ADAMTSL1: variants seen among roughly 807,000 people sequenced by gnomAD.
ADAMTSL1 encodes the protein ADAMTS like 1.
ADAMTSL1 carries 126 observed loss-of-function variants against 201.8 expected under a neutral mutation model. The ratio of observed to expected loss-of-function variants is 0.62; its 90% CI spans 0.54 to 0.72. The LOEUF (loss-of-function observed/expected upper bound fraction) is 0.72. ADAMTSL1 is among the 30% of genes least tolerant of loss of function. The probability of loss-of-function intolerance (pLI) is 0.00; values close to 1 mark genes in which losing one functional copy is unlikely to be tolerated. For missense variants in ADAMTSL1, 2,679 were observed against 2,277.8 expected, an observed-to-expected ratio of 1.18 and a Z score of -3.59; for synonymous variants, 1,121 against 903.4, an observed-to-expected ratio of 1.24 and a Z score of -4.32.
rs555303867 is a variant in ADAMTSL1 at position 18,681,489 on chromosome 9, C to G, written c.1342-323C>G. The G allele has an allele frequency of 1.9e-4, 32 of 168,530 alleles. 1 individual carries two copies. Among genetic ancestry groups the G allele is most frequent in the African/African-American group, 7.4e-4 (31 of 42,168 alleles). The allele number at this position is 168,530 out of a possible 1,614,324, so 10.4% of individuals were successfully genotyped here. ...GTGCTGGTAGTCAAAATTAAGCACA[C>G]TCTACAGTCTCTTTTCTCCTTTCTT... On this transcript the variant is annotated intron_variant, in intron 11 of 28. Coordinates refer to ENST00000380548, the MANE Select transcript of ADAMTSL1 (RefSeq NM_001040272.6).
rs963114758 is a variant in ADAMTSL1, at chr9:18,516,121, C to A, written c.191+11165C>A. On this transcript the variant is annotated intron_variant, in intron 2 of 28. Coordinates refer to ENST00000380548, the MANE Select transcript of ADAMTSL1 (RefSeq NM_001040272.6). Reference sequence around the variant, plus strand: ...AAAAAAGAAAGAAAAAGAAAGATTTCCTAATGCTACTTGCATAATTTATTG... The same window carrying A: ...AAAAAAGAAAGAAAAAGAAAGATTTACTAATGCTACTTGCATAATTTATTG... 1.1e-4 allele frequency among the ~76,000 whole-genome samples: 17 copies of A among 148,406 alleles called. No individual in the cohort carries two copies. In the South Asian group the frequency reaches 1.5e-3, roughly 13 times the overall value.
In ADAMTSL1 at chr9:18,553,360, C is replaced by A. The variant is rs376249289; in HGVS notation, c.237+20068C>A. ...ATTTATCCCCACCTATCAAATAATT[C>A]ATGTCTCTTCAAACACTTTAGCTCT... On this transcript the variant is annotated intron_variant, in intron 3 of 28. Transcript: ENST00000380548. Among the ~76,000 whole-genome samples, 5 of 151,596 alleles carry A rather than the reference C, an allele frequency of 3.3e-5. No homozygotes were observed. The South Asian group carries it at 1.0e-3, about 31-fold the overall frequency.
chr9:18,646,332 C>T (rs1827810882), intron 7 of ADAMTSL1, among the ~76,000 whole-genome samples: 1 of 152,186 alleles, frequency 6.6e-6, no homozygotes, highest in Admixed American at 6.5e-5. Context: ...ATGTCATCTT[C>T]AAACAGGGAT....
intron 1 of ADAMTSL1, among the ~76,000 whole-genome samples, chr9:18,485,002 TACTC>T (rs927519755): frequency 1.3e-5 from 2 of 152,222 alleles, no homozygotes; most frequent in Admixed American, 6.5e-5. Context: ...CATTAGTTAA[TACTC>T]AAGAGAGTAC....
At chr9:18,899,035 T>A (rs569900478) in intron 26 of ADAMTSL1, among the ~76,000 whole-genome samples, 1 of 152,332 alleles carries the variant, frequency 6.6e-6, no homozygotes, top group East Asian at 1.9e-4. Flanking sequence ...TATGACCCTT[T>A]ATCTACAAAA....
At chr9:18,345,655 A>G (rs971722927) in intron 2 of ADAMTSL1, among the ~76,000 whole-genome samples, 1 of 152,174 alleles carries the variant, frequency 6.6e-6, no homozygotes, top group Non-Finnish European at 1.5e-5. Flanking sequence ...ATTTTGTGGC[A>G]AAGTTATCTT....
At chr9:18,782,563 A>G (rs1821458447) in intron 19 of ADAMTSL1, among the ~76,000 whole-genome samples, 1 of 152,240 alleles carries the variant, frequency 6.6e-6, no homozygotes, top group Non-Finnish European at 1.5e-5. Flanking sequence ...ACCGGCACCA[A>G]ACGTACTAAA....
chr9:18,124,721 GA>G (rs1479239200), intron 1 of ADAMTSL1, among the ~76,000 whole-genome samples: 2 of 151,762 alleles, frequency 1.3e-5, no homozygotes, highest in South Asian at 2.1e-4. Flanking sequence ...TTCATTGAGA[GA>G]AAAAAAATGG....
At chr9:18,707,353 C>T (rs1320787158) in intron 14 of ADAMTSL1, among the ~76,000 whole-genome samples, 1 of 152,174 alleles carries the variant, frequency 6.6e-6, no homozygotes, top group East Asian at 1.9e-4. Context: ...TTGACACTGA[C>T]CTGGCCGTGC....
intron 5 of ADAMTSL1, among the ~76,000 whole-genome samples, chr9:18,625,542 A>G (rs1826310007): frequency 6.6e-6 from 1 of 152,136 alleles, no homozygotes; most frequent in South Asian, 2.1e-4. Context: ...CACTGGTAGC[A>G]CTCAGCCTTT....
At chr9:18,664,912 A>G (rs1404923569) in intron 9 of ADAMTSL1, among the ~76,000 whole-genome samples, 1 of 152,042 alleles carries the variant, frequency 6.6e-6, no homozygotes, top group African/African-American at 2.4e-5. Context: ...TTTGTTTTAT[A>G]TATTTTAAAG....
chr9:18,780,972 G>C (rs1821356290), intron 19 of ADAMTSL1, among the ~76,000 whole-genome samples: 1 of 152,324 alleles, frequency 6.6e-6, no homozygotes, highest in South Asian at 2.1e-4. Context: ...TGGTTTCAAA[G>C]TTCTCCTTTA....
chr9:17,998,325 C>G (rs1819466612), intron 1 of ADAMTSL1, among the ~76,000 whole-genome samples: 1 of 151,894 alleles, frequency 6.6e-6, no homozygotes, highest in Admixed American at 6.6e-5. Context: ...AAGAATATGG[C>G]AAGTGTACAT....
intron 3 of ADAMTSL1, among the ~76,000 whole-genome samples, chr9:18,560,638 G>T (rs1821423706): frequency 6.8e-6 from 1 of 146,690 alleles, no homozygotes; most frequent in Admixed American, 6.8e-5. Context: ...CTGGTCCTGG[G>T]TTTTTTTTTT....
At chr9:18,380,108 C>T (rs1388568996) in intron 2 of ADAMTSL1, among the ~76,000 whole-genome samples, 1 of 152,196 alleles carries the variant, frequency 6.6e-6, no homozygotes, top group East Asian at 1.9e-4. Context: ...ATTTCTTCAT[C>T]TATTTTAACT....
intron 1 of ADAMTSL1, among the ~76,000 whole-genome samples, chr9:18,021,203 T>C: frequency 6.6e-6 from 1 of 152,188 alleles, no homozygotes; most frequent in Admixed American, 6.5e-5. Flanking sequence ...TGGTCACAAG[T>C]TTCTGAAGTC....
At chr9:18,069,331 G>T (rs899345471) in intron 1 of ADAMTSL1, among the ~76,000 whole-genome samples, 2 of 151,964 alleles carry the variant, frequency 1.3e-5, no homozygotes, top group South Asian at 4.2e-4. Flanking sequence ...GCAGTTACTG[G>T]AAACATTTAA....
intron 26 of ADAMTSL1, among the ~76,000 whole-genome samples, chr9:18,899,629 A>G (rs1254300900): frequency 6.6e-6 from 1 of 152,176 alleles, no homozygotes; most frequent in Non-Finnish European, 1.5e-5. Flanking sequence ...ACTCAGAAAT[A>G]AGATCACATA....
At chr9:18,521,061 C>T (rs997882855) in intron 2 of ADAMTSL1, among the ~76,000 whole-genome samples, 1 of 152,018 alleles carries the variant, frequency 6.6e-6, no homozygotes, top group Non-Finnish European at 1.5e-5. Flanking sequence ...ATTTTAGTGG[C>T]TTTGTTCAAT....
Sources: gnomAD v4.1 joint callset for allele counts (sites outside exome capture counted in the v4.1 genomes callset) on GRCh38, gnomAD v4.1.1 for gene constraint, MANE v1.5 for transcripts, NCBI Gene and HGNC (gene_info 2026-07-23, HGNC 2026-07-21) for gene names.